MDGA2: variants seen among roughly 807,000 people sequenced by gnomAD.
MDGA2 encodes MAM domain containing glycosylphosphatidylinositol anchor 2, also known as MAM domain-containing glycosylphosphatidylinositol anchor protein 2.
In MDGA2, 40 loss-of-function variants were observed where a neutral mutation model predicts 117.8. The observed-to-expected ratio is 0.34, with a 90% CI of 0.26 to 0.44. The LOEUF is 0.44. Among genes scored for constraint, MDGA2 ranks in the 20% least tolerant of loss-of-function variants. The pLI is 1.00. For missense variants in MDGA2, 1,123 were observed against 1,250.6 expected (o/e 0.90, Z 1.54); for synonymous variants, 452 against 439.0 (o/e 1.03, Z -0.37).
At chr14:47,015,947 T>G (rs1313743835) in intron 8 of MDGA2, among the ~76,000 whole-genome samples, 1 of 151,868 alleles carries the variant, frequency 6.6e-6, no homozygotes, top group African/African-American at 2.4e-5. Context: ...GGTAAACCAT[T>G]TGGAAGTAGT....
intron 10 of MDGA2, among the ~76,000 whole-genome samples, chr14:46,903,641 T>C (rs1212226555): frequency 6.6e-6 from 1 of 152,178 alleles, no homozygotes; most frequent in African/African-American, 2.4e-5. Context: ...ATCATCAATA[T>C]AATTTAATTT....
chr14:47,385,377 T>G (rs1444523214), intron 1 of MDGA2, among the ~76,000 whole-genome samples: 1 of 151,928 alleles, frequency 6.6e-6, no homozygotes, highest in African/African-American at 2.4e-5. Flanking sequence ...ATAATTGAAA[T>G]ATGTGATAAA....
intron 1 of MDGA2, among the ~76,000 whole-genome samples, chr14:47,525,328 C>A (rs1894949785): frequency 6.6e-6 from 1 of 152,136 alleles, no homozygotes; most frequent in Admixed American, 6.5e-5. Flanking sequence ...ACACTTGCCA[C>A]TGGATATTCT....
At chr14:47,003,056 A>G (rs1887587118) in intron 8 of MDGA2, among the ~76,000 whole-genome samples, 1 of 152,124 alleles carries the variant, frequency 6.6e-6, no homozygotes, top group Non-Finnish European at 1.5e-5. Context: ...CTCACCGTAC[A>G]TTAGTTTGCA....
chr14:47,041,121 G>A (rs1435580585), intron 7 of MDGA2, among the ~76,000 whole-genome samples: 2 of 152,084 alleles, frequency 1.3e-5, no homozygotes, highest in Non-Finnish European at 2.9e-5. Context: ...ATAATCTTAT[G>A]CAAAATATAT....
At chr14:47,240,804 A>G (rs190146990) in intron 2 of MDGA2, among the ~76,000 whole-genome samples, 3 of 152,056 alleles carry the variant, frequency 2.0e-5, no homozygotes, top group Admixed American at 6.5e-5. Flanking sequence ...TGATCTCCCA[A>G]TTAGTGAGCA....
chr14:47,199,254 A>T (rs907780229), intron 3 of MDGA2, among the ~76,000 whole-genome samples: 1 of 151,958 alleles, frequency 6.6e-6, no homozygotes, highest in Non-Finnish European at 1.5e-5. Context: ...TTCACATCTG[A>T]TTTTTTAAAT....
intron 8 of MDGA2, among the ~76,000 whole-genome samples, chr14:46,972,808 CA>C (rs538398468): frequency 2.6e-5 from 4 of 151,938 alleles, no homozygotes; most frequent in Non-Finnish European, 5.9e-5. Context: ...CATTGTTCTG[CA>C]AAGACACAGT....
intron 8 of MDGA2, among the ~76,000 whole-genome samples, chr14:47,015,255 A>C (rs929567970): frequency 2.0e-5 from 3 of 152,080 alleles, no homozygotes; most frequent in Non-Finnish European, 4.4e-5. Context: ...ATAATAATAA[A>C]AAAGTTTGAA....
chr14:47,061,390 G>T lies in MDGA2; in HGVS notation c.1384C>A (p.Pro462Thr). 1 of 1,613,630 alleles carries T rather than the reference G, an allele frequency of 6.2e-7. No individual in the cohort carries two copies. The highest frequency in any genetic ancestry group is 2.2e-5 in the East Asian group (1 of 44,844). Residue 462 changes from proline (P) to threonine (T), a missense_variant, in exon 7 of 17, where the codon CCT becomes ACT. By Grantham distance (38) the Pro-to-Thr change is conservative. This residue lies in a region of MDGA2 where 890 missense variants were observed against 1,050.3 expected (regional missense o/e 0.85). Transcript: ENST00000399232. ...TTTGTTGTTCCCGGAGAGACATCAGGATCAGTCTGTGTAATGACCATCCGC... is the reference window on the plus strand; with the variant it reads ...TTTGTTGTTCCCGGAGAGACATCAGTATCAGTCTGTGTAATGACCATCCGC... ...SERMVITQTDPDVSPGTTNLD... is the reference protein window; with the variant it reads ...SERMVITQTDTDVSPGTTNLD...
At chr14:46,845,689 TAATTA>T (rs563798066) in intron 16 of MDGA2, 72 bp downstream of exon 16, 9 of 864,322 alleles carry the variant, frequency 1.0e-5, no homozygotes, top group African/African-American at 8.7e-5. Flanking sequence ...TTTTTAAAAT[TAATTA>T]AATTAAATGT....
At chr14:47,545,554 G>A (rs1263805683) in intron 1 of MDGA2, among the ~76,000 whole-genome samples, 1 of 152,088 alleles carries the variant, frequency 6.6e-6, no homozygotes, top group Non-Finnish European at 1.5e-5. Context: ...CATACCAAAA[G>A]CAAAGGAAAA....
chr14:47,306,020 GT>G (rs1360705093), intron 1 of MDGA2: 3 of 152,122 alleles, frequency 2.0e-5, no homozygotes, highest in Admixed American at 2.0e-4. Flanking sequence ...TGTCTATTGT[GT>G]TTCTGAAATA....
chr14:47,071,690 G>C (rs17118008), intron 6 of MDGA2, among the ~76,000 whole-genome samples: 17,643 of 151,900 alleles, frequency 0.12, 1,330 homozygotes, highest in African/African-American at 0.22. Flanking sequence ...CAGGAAGAAA[G>C]GCAAAGAGGG....
At chr14:47,617,421 C>T (rs1325994545) in intron 1 of MDGA2, among the ~76,000 whole-genome samples, 6 of 152,070 alleles carry the variant, frequency 3.9e-5, no homozygotes, top group Non-Finnish European at 7.3e-5. Context: ...CCAGGCTGCT[C>T]TTGAACTCCT....
chr14:47,192,614 G>C (rs1885156449), intron 3 of MDGA2, among the ~76,000 whole-genome samples: 1 of 151,794 alleles, frequency 6.6e-6, no homozygotes, highest in Non-Finnish European at 1.5e-5. Context: ...GGGAGACCCT[G>C]TCTCAAAAAT....
chr14:46,963,194 A>T (rs1885878956), intron 8 of MDGA2, among the ~76,000 whole-genome samples: 1 of 152,198 alleles, frequency 6.6e-6, no homozygotes, highest in Non-Finnish European at 1.5e-5. Flanking sequence ...AAAGATAATT[A>T]TTTATGATGA....
chr14:47,323,971 C>T (rs191646780), intron 1 of MDGA2, among the ~76,000 whole-genome samples: 3 of 152,012 alleles, frequency 2.0e-5, no homozygotes, highest in South Asian at 4.2e-4. Flanking sequence ...GTGGGCCAGG[C>T]GTGGTGGCTC....
chr14:46,976,221 ATG>A (rs896837486), intron 8 of MDGA2, among the ~76,000 whole-genome samples: 32 of 152,120 alleles, frequency 2.1e-4, no homozygotes, highest in African/African-American at 7.5e-4. Flanking sequence ...ATTTTATATT[ATG>A]TGTATTTTAC....
Sources: allele counts gnomAD v4.1 joint callset (sites outside exome capture counted in the v4.1 genomes callset), GRCh38; gene constraint gnomAD v4.1.1; regional missense constraint gnomAD v4.1.1; transcripts MANE v1.5; gene names NCBI Gene and HGNC (gene_info 2026-07-23, HGNC 2026-07-21).